Variants in ACTL8 observed in about 807,000 individuals in gnomAD.
The protein encoded by ACTL8 is actin-like protein 8.
Under a neutral mutation model 9.3 loss-of-function variants are expected in ACTL8, and 3 were observed. That is an observed-to-expected ratio of 0.32 (90% CI 0.15 to 0.83). ACTL8 has a LOEUF of 0.83. Ranked by LOEUF, ACTL8 falls within the 40% of genes least tolerant of loss-of-function variation. The probability of loss-of-function intolerance (pLI) is 0.57; values close to 1 mark genes in which losing one functional copy is unlikely to be tolerated. For synonymous variants in ACTL8, 224 were observed against 205.9 expected (o/e 1.09, Z -0.75); for missense variants, 381 against 492.2 (o/e 0.77, Z 2.14).
At position 17,825,706 on chromosome 1, in the gene ACTL8, C is replaced by T. The variant is rs543115081; in HGVS notation, c.349-61C>T. ...CGAGGATGGGGCTCTGTGCTGACTT[C>T]AGCTTTGACTGCTGAGCAGGCTGGG... is the stretch of plus-strand genomic sequence containing the variant. On this transcript the variant is annotated intron_variant, in intron 2 of 2. Coordinates refer to ENST00000375406, the MANE Select transcript of ACTL8 (RefSeq NM_030812.3). 5 of 1,563,500 alleles carry T rather than the reference C, an allele frequency of 3.2e-6. No individual in the cohort carries two copies. In the African/African-American group the frequency reaches 4.0e-5, roughly 13 times the overall value.
At chr1:17,804,742 G>A (rs1374598489) in intron 1 of ACTL8, among the ~76,000 whole-genome samples, 1 of 151,858 alleles carries the variant, frequency 6.6e-6, no homozygotes, top group Non-Finnish European at 1.5e-5. Context: ...TTAGCCTCCT[G>A]AGTAGCTGGG....
intron 1 of ACTL8, among the ~76,000 whole-genome samples, chr1:17,761,185 A>G (rs1052907286): frequency 7.2e-6 from 1 of 138,476 alleles, no homozygotes; most frequent in Non-Finnish European, 1.5e-5. Context: ...TATGTTGCCC[A>G]GGCTGGTCTC....
intron 1 of ACTL8, among the ~76,000 whole-genome samples, chr1:17,758,775 G>T (rs948090596): frequency 1.3e-5 from 2 of 152,174 alleles, no homozygotes; most frequent in Non-Finnish European, 2.9e-5. Flanking sequence ...CAGTAGATTT[G>T]CTTGGTCCAT....
rs192451602 is a variant in ACTL8, at chr1:17,777,040, T to C, written c.-25+21536T>C. 2.4e-3 allele frequency among the ~76,000 whole-genome samples: 354 copies of C among 144,608 alleles called. 3 individuals carry two copies. Among genetic ancestry groups the C allele is most frequent in the African/African-American group, 8.7e-3 (339 of 38,992 alleles). 94.9% of individuals were successfully genotyped at this position (144,608 alleles called of 152,430 possible). A position where few individuals can be genotyped will look rare whatever the true frequency, so the allele number is the denominator to read the frequency against. On this transcript the variant is annotated intron_variant, in intron 1 of 2. Transcript: ENST00000375406. Reference sequence around the variant, plus strand: ...GGTCTTGCCATGTTGCCCAGGCTGATCTTGAATCCTGGGCCTGGGCCCAAG... The same window carrying C: ...GGTCTTGCCATGTTGCCCAGGCTGACCTTGAATCCTGGGCCTGGGCCCAAG...
chr1:17,826,609 A>T lies in ACTL8; in HGVS notation c.*90A>T. On this transcript the variant is annotated 3_prime_UTR_variant, in exon 3 of 3. Transcript: ENST00000375406. The surrounding 1 kb of genome is among the most constrained non-coding windows in gnomAD (Gnocchi z 4.5). ...AAATGTTCTGGGTGGGGGTAGAATG[A>T]GGTGGGGTGGGGTGAGCTGGCTTTG... 8.7e-4 allele frequency: 795 copies of T among 917,386 alleles called. No homozygotes were observed. The highest frequency in any genetic ancestry group is 1.9e-3 in the Middle Eastern group (7 of 3,774). The allele number at this position is 917,386 out of a possible 1,614,324, so 56.8% of individuals were successfully genotyped here. A position where few individuals can be genotyped will look rare whatever the true frequency, so the allele number is the denominator to read the frequency against.
At chr1:17,802,424 C>CGTGTGTGTGTGTGTGTGTGT (rs72387933) in intron 1 of ACTL8, among the ~76,000 whole-genome samples, 63 of 146,688 alleles carry the variant, frequency 4.3e-4, no homozygotes, top group African/African-American at 1.5e-3. Flanking sequence ...ACTGTGCGTG[C>CGTGTGTGTGTGTGTGTGTGT]GTGTGTGTGT....
chr1:17,821,722 G>A (rs899085695), intron 1 of ACTL8, among the ~76,000 whole-genome samples: 2 of 151,992 alleles, frequency 1.3e-5, no homozygotes, highest in East Asian at 3.9e-4. Context: ...TCCGCCTCCC[G>A]GTTTCAAGCG....
rs2053683796 is a variant in ACTL8, at chr1:17,823,605, G to A, written c.348+249G>A. Among the ~76,000 whole-genome samples, 2 of 152,130 alleles carry A rather than the reference G, an allele frequency of 1.3e-5. No homozygotes were observed. Among genetic ancestry groups the A allele is most frequent in the South Asian group, 2.1e-4 (1 of 4,818 alleles). On this transcript the variant is annotated intron_variant, in intron 2 of 2. Coordinates refer to ENST00000375406, the MANE Select transcript of ACTL8 (RefSeq NM_030812.3). This position sits in a 1 kb window ranked among gnomAD's most constrained non-coding sequence, Gnocchi z 5.3. ...TAAAAAATACAAAAATTAGCCAGGT[G>A]TGGTCCCAGCTACCTGGGAGGCTGA...
Position 17,823,778 on chromosome 1 carries a change from C to A in ACTL8, c.348+422C>A, listed in dbSNP as rs1159776558. Among the ~76,000 whole-genome samples the A allele has an allele frequency of 6.6e-6, 1 of 152,116 alleles. No individual in the cohort carries two copies. ...CAACAGAAACCAACAAATTGCCCCA[C>A]AAACATTTCCCAAGAACCTAGTGAA... On this transcript the variant is annotated intron_variant, in intron 2 of 2. Transcript: ENST00000375406. This position sits in a 1 kb window ranked among gnomAD's most constrained non-coding sequence, Gnocchi z 5.3.
intron 1 of ACTL8, among the ~76,000 whole-genome samples, chr1:17,761,767 C>T (rs1012242642): frequency 6.6e-6 from 1 of 152,130 alleles, no homozygotes; most frequent in Non-Finnish European, 1.5e-5. Flanking sequence ...GACGGGGTTT[C>T]ACCATGTTGG....
At chr1:17,777,339 T>G (rs1198936484) in intron 1 of ACTL8, among the ~76,000 whole-genome samples, 2 of 152,162 alleles carry the variant, frequency 1.3e-5, no homozygotes, top group African/African-American at 2.4e-5. Flanking sequence ...CAACTTCTCC[T>G]GGCCAGCAGT....
chr1:17,826,048 C>T lies in ACTL8; in HGVS notation c.630C>T (p.Asn210=), dbSNP rs765268296. Residue 210 remains asparagine (N), a synonymous_variant, in exon 3 of 3, where the codon AAC becomes AAT. Coordinates refer to ENST00000375406, the MANE Select transcript of ACTL8 (RefSeq NM_030812.3). The surrounding 1 kb of genome is among the most constrained non-coding windows in gnomAD (Gnocchi z 4.5). ...QLETVAVTQM[N]KCYVPQNLGE... ...AGACAGTCGCCGTGACTCAGATGAA[C>T]AAGTGCTACGTGCCGCAGAATCTGG... 1.9e-6 allele frequency: 3 copies of T among 1,606,758 alleles called. No homozygotes were observed. The highest frequency in any genetic ancestry group is 4.5e-5 in the East Asian group (2 of 44,886).
chr1:17,773,321 G>T (rs191681287), intron 1 of ACTL8, among the ~76,000 whole-genome samples: 2 of 152,296 alleles, frequency 1.3e-5, no homozygotes, highest in Admixed American at 6.5e-5. Flanking sequence ...CTCACCGATC[G>T]CTGTGCCTTG....
At chr1:17,763,030 G>A (rs561966791) in intron 1 of ACTL8, among the ~76,000 whole-genome samples, 1 of 152,120 alleles carries the variant, frequency 6.6e-6, no homozygotes, top group Non-Finnish European at 1.5e-5. Context: ...TTACCTTGCC[G>A]TGGCAAGTTG....
chr1:17,783,089 T>C (rs138646230), intron 1 of ACTL8, among the ~76,000 whole-genome samples: 90 of 152,140 alleles, frequency 5.9e-4, no homozygotes, highest in African/African-American at 1.9e-3. Flanking sequence ...TGCTTCCAGT[T>C]TATGGATGAG....
At chr1:17,814,088 G>A (rs1017870032) in intron 1 of ACTL8, among the ~76,000 whole-genome samples, 7 of 152,020 alleles carry the variant, frequency 4.6e-5, no homozygotes, top group Non-Finnish European at 1.0e-4. Flanking sequence ...TTTCAATTTC[G>A]ATTACAGTCA....
intron 1 of ACTL8, among the ~76,000 whole-genome samples, chr1:17,802,737 C>G (rs771180567): frequency 4.6e-5 from 7 of 152,186 alleles, no homozygotes; most frequent in Admixed American, 3.9e-4. Flanking sequence ...AATCCCAGCA[C>G]TTTGGGAGGC....
At chr1:17,773,205 C>T (rs1234212081) in intron 1 of ACTL8, among the ~76,000 whole-genome samples, 3 of 152,154 alleles carry the variant, frequency 2.0e-5, no homozygotes, top group Non-Finnish European at 4.4e-5. Flanking sequence ...TTTCTTTGTT[C>T]GAGTAGCTCC....
intron 1 of ACTL8, among the ~76,000 whole-genome samples, chr1:17,773,738 G>C (rs939649130): frequency 1.3e-5 from 2 of 152,234 alleles, no homozygotes; most frequent in African/African-American, 4.8e-5. Flanking sequence ...GATAATCAAA[G>C]GGTCTCTCTC....
Sources: allele counts gnomAD v4.1 joint callset (sites outside exome capture counted in the v4.1 genomes callset), GRCh38; gene constraint gnomAD v4.1.1; non-coding constraint Gnocchi (gnomAD v3.1); transcripts MANE v1.5; gene names NCBI Gene and HGNC (gene_info 2026-07-23, HGNC 2026-07-21).